POLR3A: variants seen among roughly 807,000 people sequenced by gnomAD.
POLR3A encodes the protein DNA-directed RNA polymerase III subunit RPC1.
A neutral mutation model predicts 152.8 loss-of-function variants in POLR3A; 112 were observed. The ratio of observed to expected loss-of-function variants is 0.73; its 90% CI spans 0.63 to 0.86. The LOEUF is 0.86. POLR3A is among the 40% of genes least tolerant of loss of function. The pLI is 0.00. For synonymous variants in POLR3A, 615 were observed against 652.1 expected, an observed-to-expected ratio of 0.94 and a Z score of 0.87; for missense variants, 1,385 against 1,743.1, an observed-to-expected ratio of 0.79 and a Z score of 3.66.
chr10:77,994,921 G>A (rs1847284865), intron 19 of POLR3A, among the ~76,000 whole-genome samples: 1 of 152,152 alleles, frequency 6.6e-6, no homozygotes, highest in Admixed American at 6.5e-5. Context: ...GAAAGGTCGG[G>A]TTACCCACAA....
At chr10:77,986,216 A>T in intron 21 of POLR3A, 57 bp from the exon 22 acceptor site, 1 of 888,194 alleles carries the variant, frequency 1.1e-6, no homozygotes. Flanking sequence ...CAGATGACAT[A>T]ATTCATTTCA....
intron 19 of POLR3A, among the ~76,000 whole-genome samples, chr10:77,997,026 G>T (rs926783041): frequency 1.3e-5 from 2 of 152,120 alleles, no homozygotes; most frequent in Admixed American, 6.6e-5. Context: ...ATCAATAAAT[G>T]TAATCCAGCA....
At position 78,006,395 on chromosome 10, in the gene POLR3A, C is replaced by CAAA. The variant is rs36050560; in HGVS notation, c.2074+1304_2074+1306dup. ...CTGGCGACTGAGCAAGACTCTGTCT[C>CAAA]AAAAAAAAAAAAAAAAAAAAAAAAA... is the stretch of plus-strand genomic sequence containing the variant. On this transcript the variant is annotated intron_variant, in intron 15 of 30. Coordinates refer to ENST00000372371, the MANE Select transcript of POLR3A (RefSeq NM_007055.4). 1.3e-3 allele frequency among the ~76,000 whole-genome samples: 28 copies of CAAA among 21,936 alleles called. 1 individual carries two copies. The highest frequency in any genetic ancestry group is 7.5e-3 in the East Asian group (5 of 670). The allele number at this position is 21,936 out of a possible 152,430, so 14.4% of individuals were successfully genotyped here. A position where few individuals can be genotyped will look rare whatever the true frequency, so the allele number is the denominator to read the frequency against.
chr10:77,982,037 TCA>T, intron 28 of POLR3A, 115 bp downstream of exon 28: 2 of 456,118 alleles, frequency 4.4e-6, no homozygotes, highest in Non-Finnish European at 6.8e-6. Context: ...AGACTCCATC[TCA>T]AAAAAAAAAA....
chr10:78,000,488 G>A (rs1244224278), intron 18 of POLR3A, among the ~76,000 whole-genome samples: 1 of 152,176 alleles, frequency 6.6e-6, no homozygotes, highest in Non-Finnish European at 1.5e-5. Flanking sequence ...TATCCTTCCT[G>A]TGGGCCAGAC....
chr10:77,995,223 A>C (rs1363490879), intron 19 of POLR3A, among the ~76,000 whole-genome samples: 1 of 152,238 alleles, frequency 6.6e-6, no homozygotes, highest in East Asian at 1.9e-4. Context: ...AATTGTAAAG[A>C]CCATCAAGGC....
chr10:77,980,075 C>A, intron 30 of POLR3A, 66 bp downstream of exon 30: 1 of 1,467,470 alleles, frequency 6.8e-7, no homozygotes, highest in South Asian at 1.1e-5. Context: ...CCCTTGGAAG[C>A]CTAGCCATGG....
chr10:78,009,811 C>A (rs951091323), intron 13 of POLR3A, 53 bp downstream of exon 13: 1 of 1,609,668 alleles, frequency 6.2e-7, no homozygotes, highest in Non-Finnish European at 8.5e-7. Context: ...ACCAGTCTAC[C>A]CCCACAGACA....
chr10:77,983,861 A>G (rs1212348520), intron 26 of POLR3A, 59 bp downstream of exon 26: 3 of 1,032,138 alleles, frequency 2.9e-6, no homozygotes, highest in Non-Finnish European at 1.5e-6. Context: ...CTAGTTTATC[A>G]GTACCTATCT....
intron 21 of POLR3A, among the ~76,000 whole-genome samples, chr10:77,986,554 GA>G (rs555054246): frequency 1.0e-3 from 156 of 152,290 alleles, no homozygotes; most frequent in African/African-American, 3.7e-3. Flanking sequence ...ATTAATTTTT[GA>G]GGGTTTCTTC....
chr10:77,995,924 T>C (rs1401725293), intron 19 of POLR3A, among the ~76,000 whole-genome samples: 2 of 151,936 alleles, frequency 1.3e-5, no homozygotes, highest in Non-Finnish European at 2.9e-5. Context: ...AAGCACTCCT[T>C]AGCAAATGTA....
intron 28 of POLR3A, 107 bp from the exon 29 acceptor site, chr10:77,981,666 T>G (rs1438801721): frequency 7.4e-7 from 1 of 1,356,360 alleles, no homozygotes; most frequent in Non-Finnish European, 1.0e-6. Context: ...CCTGTGCCGT[T>G]TTCCAGAAAT....
intron 21 of POLR3A, among the ~76,000 whole-genome samples, chr10:77,989,774 C>A (rs1847230175): frequency 1.3e-5 from 2 of 152,022 alleles, no homozygotes; most frequent in Non-Finnish European, 2.9e-5. Context: ...CAGTTAAGGT[C>A]TTTGAGGACA....
At position 78,009,672 on chromosome 10, in the gene POLR3A, C is replaced by T. The variant is rs1455887171; in HGVS notation, c.1774G>A (p.Val592Ile). 2.5e-6 allele frequency: 4 copies of T among 1,614,180 alleles called. No individual in the cohort carries two copies. The highest frequency in any genetic ancestry group is 4.5e-5 in the East Asian group (2 of 44,850). ...RLPPPTILKP[V>I]TLWTGKQIFS... ...ATCTGCTTTCCCGTCCACAGGGTGA[C>T]AGGCTGAGGGGGGGAGGAAGCCTGA... The change falls in exon 14 of 31, where the codon GTC (valine) becomes ATC (isoleucine). Residue 592 changes from valine to isoleucine, a missense_variant. Val to Ile is a conservative substitution (Grantham distance 29). Coordinates refer to ENST00000372371, the MANE Select transcript of POLR3A (RefSeq NM_007055.4).
At chr10:78,021,487 A>C (rs1202690071) in intron 8 of POLR3A, 59 bp downstream of exon 8, 1 of 1,591,236 alleles carries the variant, frequency 6.3e-7, no homozygotes, top group Non-Finnish European at 8.6e-7. Flanking sequence ...GCAATACCAA[A>C]ATATAACGTA....
At chr10:77,992,438 C>CT (rs71030926) in intron 20 of POLR3A, among the ~76,000 whole-genome samples, 900 of 76,438 alleles carry the variant, frequency 0.012, 7 homozygotes, top group Non-Finnish European at 0.016. Flanking sequence ...CTGGCTAATT[C>CT]TTTTTTTTTT....
intron 19 of POLR3A, among the ~76,000 whole-genome samples, chr10:77,999,274 T>C (rs745703085): frequency 5.9e-5 from 9 of 152,174 alleles, no homozygotes; most frequent in Non-Finnish European, 1.3e-4. Context: ...GTTGTGCACA[T>C]GTACCCTAAA....
At chr10:77,995,303 A>T (rs1250512002) in intron 19 of POLR3A, among the ~76,000 whole-genome samples, 1 of 152,204 alleles carries the variant, frequency 6.6e-6, no homozygotes, top group Non-Finnish European at 1.5e-5. Context: ...TCAAATTCAC[A>T]AATAAAATAT....
In POLR3A at chr10:78,000,042, A is replaced by G. The variant is rs768147876; in HGVS notation, c.2555T>C (p.Met852Thr). 3 of 1,614,080 alleles carry G rather than the reference A, an allele frequency of 1.9e-6. No homozygotes were observed. Among genetic ancestry groups the G allele is most frequent in the South Asian group, 1.1e-5 (1 of 91,072 alleles). ...GTCGACTAGACCTTCCCGGCCGGCC[A>G]TTGTGTGGAAGAAAAACTCAGTTGG... ...LTPTEFFFHT[M>T]AGREGLVDTA... is the part of the protein sequence containing the mutation. The change falls in exon 19 of 31, where the codon ATG becomes ACG. Residue 852 changes from methionine to threonine, a missense_variant. By Grantham distance (81) the Met-to-Thr change is moderately conservative (BLOSUM62 -1). Coordinates refer to ENST00000372371, the MANE Select transcript of POLR3A (RefSeq NM_007055.4).
Sources: allele counts gnomAD v4.1 joint callset (sites outside exome capture counted in the v4.1 genomes callset), GRCh38; gene constraint gnomAD v4.1.1; transcripts MANE v1.5; gene names NCBI Gene and HGNC (gene_info 2026-07-23, HGNC 2026-07-21).